Variants in EIF4G2 observed in about 807,000 individuals in gnomAD.
EIF4G2 encodes the protein eukaryotic translation initiation factor 4 gamma 2, also known as DAP-5.
Under a neutral mutation model 117.7 loss-of-function variants are expected in EIF4G2, and 8 were observed. The observed-to-expected ratio is 0.07, with a 90% CI of 0.04 to 0.12. The LOEUF (loss-of-function observed/expected upper bound fraction) is 0.12. Among genes scored for constraint, EIF4G2 ranks in the 10% least tolerant of loss-of-function variants. The probability of loss-of-function intolerance (pLI) is 1.00; values close to 1 mark genes in which losing one functional copy is unlikely to be tolerated. For missense variants in EIF4G2, 812 were observed against 1,086.2 expected (o/e 0.75, Z 3.55); for synonymous variants, 413 against 367.8 (o/e 1.12, Z -1.41).
chr11:10,799,078 T>C lies in EIF4G2; in HGVS notation c.2572A>G (p.Met858Val). Residue 858 changes from methionine to valine, a missense_variant, in exon 21 of 22, where the codon ATG (methionine) becomes GTG (valine). Transcript: ENST00000339995. ...AAAGCTTCTTCTTCAATAATTTCCA[T>C]GTCATAGAAGTGCACAAAAAAGCGA... 6.2e-7 allele frequency: 1 copy of C among 1,605,296 alleles called. No individual in the cohort carries two copies. Among genetic ancestry groups the C allele is most frequent in the Non-Finnish European group, 8.5e-7 (1 of 1,178,176 alleles).
In EIF4G2 at chr11:10,803,968, G is replaced by A. The variant is rs1408620469; in HGVS notation, c.633C>T (p.Ile211=). The change falls in exon 8 of 22, where the codon ATC becomes ATT. Residue 211 remains isoleucine (I), a synonymous_variant. Coordinates refer to ENST00000339995, the MANE Select transcript of EIF4G2 (RefSeq NM_001418.4). The surrounding 1 kb of genome is among the most constrained non-coding windows in gnomAD (Gnocchi z 4.0). ...GCTTGCCAAGCTCTCCAATGAATTT[G>A]ATGTTTCCCAACATCTTGATCTTAG... The A allele has an allele frequency of 1.9e-6, 3 of 1,614,128 alleles. No homozygotes were observed. The highest frequency in any genetic ancestry group is 2.5e-6 in the Non-Finnish European group (3 of 1,180,036).
At position 10,803,944 on chromosome 11, in the gene EIF4G2, C is replaced by T; in HGVS notation, c.657G>A (p.Lys219=). The change falls in exon 8 of 22, where the codon AAG becomes AAA. Residue 219 remains lysine (K), a synonymous_variant. Coordinates refer to ENST00000339995, the MANE Select transcript of EIF4G2 (RefSeq NM_001418.4). This position sits in a 1 kb window ranked among gnomAD's most constrained non-coding sequence, Gnocchi z 4.0. ...GGATAGATTCGTGAATAAGATCAAG[C>T]TTGCCAAGCTCTCCAATGAATTTGA... is the stretch of plus-strand genomic sequence containing the variant. 1 of 1,614,156 alleles carries T rather than the reference C, an allele frequency of 6.2e-7. No homozygotes were observed. Among genetic ancestry groups the T allele is most frequent in the African/African-American group, 1.3e-5 (1 of 75,048 alleles).
chr11:10,807,485 G>A (rs1304970561), intron 1 of EIF4G2, 104 bp from the exon 2 acceptor site: 1 of 1,389,956 alleles, frequency 7.2e-7, no homozygotes, highest in African/African-American at 1.5e-5. Context: ...TCACTGCATT[G>A]CAGATCTGTA....
In EIF4G2 at chr11:10,803,241, T is replaced by C. The variant is rs1847476878; in HGVS notation, c.867A>G (p.Glu289=). ...GCAGGAAACGAATCCTTGCTGGCAA[T>C]TCCTTACTTAACATCAAGGAGCACA... Residue 289 remains glutamate (E), a synonymous_variant, in exon 10 of 22, where the codon GAA becomes GAG. Coordinates refer to ENST00000339995, the MANE Select transcript of EIF4G2 (RefSeq NM_001418.4). This position sits in a 1 kb window ranked among gnomAD's most constrained non-coding sequence, Gnocchi z 4.0. 2.5e-6 allele frequency: 4 copies of C among 1,614,134 alleles called. No individual in the cohort carries two copies. Among genetic ancestry groups the C allele is most frequent in the Non-Finnish European group, 3.4e-6 (4 of 1,180,016 alleles).
intron 14 of EIF4G2, 80 bp from the exon 15 acceptor site, chr11:10,801,167 TAC>T (rs1340388672): frequency 2.6e-6 from 4 of 1,553,190 alleles, no homozygotes; most frequent in African/African-American, 2.8e-5. Flanking sequence ...TAAAATCCTA[TAC>T]AGTGACAGAA....
At position 10,807,251 on chromosome 11, in the gene EIF4G2, G is replaced by C. The variant is rs1847604346; in HGVS notation, c.41+4C>G. The C allele has an allele frequency of 6.2e-7, 1 of 1,607,842 alleles. No homozygotes were observed. Among genetic ancestry groups the C allele is most frequent in the Non-Finnish European group, 8.5e-7 (1 of 1,178,198 alleles). ...AGGATTCCCCAAAATAAATCTACAA[G>C]TACCTGAAACGAGAAGCACCCCCTT... On this transcript the variant is annotated splice_donor_region_variant and intron_variant, in intron 2 of 21. Transcript: ENST00000339995.
chr11:10,804,264 A>C (rs1847499563), intron 6 of EIF4G2, 23 bp downstream of exon 6: 1 of 1,613,002 alleles, frequency 6.2e-7, no homozygotes, highest in East Asian at 2.2e-5. Context: ...CTTTAAAACA[A>C]GCAAACAAAA....
intron 18 of EIF4G2, 38 bp from the exon 19 acceptor site, chr11:10,799,794 A>G: frequency 6.3e-7 from 1 of 1,594,228 alleles, no homozygotes; most frequent in Non-Finnish European, 8.5e-7. Flanking sequence ...CTAATAGTTC[A>G]TTTTACCAAG....
At chr11:10,799,833 A>T in intron 18 of EIF4G2, 77 bp from the exon 19 acceptor site, 1 of 1,487,406 alleles carries the variant, frequency 6.7e-7, no homozygotes, top group African/African-American at 1.4e-5. Flanking sequence ...AGAGCTTCAC[A>T]AATGATGTCC....
chr11:10,799,321 G>A lies in EIF4G2; in HGVS notation c.2428C>T (p.Leu810=), dbSNP rs760780735. Residue 810 remains leucine, a synonymous_variant, in exon 20 of 22, where the codon CTA becomes TTA. Transcript: ENST00000339995. ...TTCTGCATTACTGGCTTGAAAGATA[G>A]TAGTAGTTGTTTTTCCTGCTCTAAC... 6.2e-6 allele frequency: 10 copies of A among 1,613,942 alleles called. No homozygotes were observed. The highest frequency in any genetic ancestry group is 7.6e-6 in the Non-Finnish European group (9 of 1,180,030).
Position 10,805,969 on chromosome 11 carries a change from G to A in EIF4G2, c.186C>T (p.Ser62=), listed in dbSNP as rs376340882. 8.1e-6 allele frequency: 13 copies of A among 1,613,984 alleles called. No individual in the cohort carries two copies. The highest frequency in any genetic ancestry group is 6.7e-5 in the East Asian group (3 of 44,888). The change falls in exon 4 of 22, where the codon TCC becomes TCT. Residue 62 remains serine (S), a synonymous_variant. Coordinates refer to ENST00000339995, the MANE Select transcript of EIF4G2 (RefSeq NM_001418.4). ...TTTCGTTTGCGGAGTTGTTTGCTGC[G>A]GAGTTGTCATCTCGTCTAGTGCTTC...
At chr11:10,801,269 G>C in intron 14 of EIF4G2, 182 bp from the exon 15 acceptor site, 2 of 688,092 alleles carry the variant, frequency 2.9e-6, no homozygotes, top group Non-Finnish European at 2.4e-6. Flanking sequence ...AAGATCTGAT[G>C]CATACAGTAG....
At position 10,808,385 on chromosome 11, in the gene EIF4G2, C is replaced by T. The variant is rs528311329; in HGVS notation, c.-87+320G>A. 1,646 of 1,241,944 alleles carry T rather than the reference C, an allele frequency of 1.3e-3. 20 individuals carry two copies. In the African/African-American group the frequency reaches 0.025, roughly 19 times the overall value. The allele number at this position is 1,241,944 out of a possible 1,614,324, so 76.9% of individuals were successfully genotyped here. The stretch of plus-strand genomic sequence containing the variant: ...TGCCTCCCGCCACGGCGCTAGCGGT[C>T]CGAGCCACGCTCCCTCGCCGTCCGA... On this transcript the variant is annotated intron_variant, in intron 1 of 21. Coordinates refer to ENST00000339995, the MANE Select transcript of EIF4G2 (RefSeq NM_001418.4).
In EIF4G2 at chr11:10,806,016, C is replaced by T. The variant is rs1440253077; in HGVS notation, c.139G>A (p.Ala47Thr). ...CTTCGTGCAGGAATCCATTTCTGAG[C>T]GTTTTGCCCTGGGGTTTTCCCCAGG... Residue 47 changes from alanine to threonine, a missense_variant, in exon 4 of 22, where the codon GCT becomes ACT. This residue lies in a region of EIF4G2 where 79 missense variants were observed against 91.5 expected (regional missense o/e 0.86). Transcript: ENST00000339995. The T allele has an allele frequency of 6.2e-7, 1 of 1,614,226 alleles. No homozygotes were observed. The highest frequency in any genetic ancestry group is 8.5e-7 in the Non-Finnish European group (1 of 1,180,038).
rs754266342 is a variant in EIF4G2, at chr11:10,801,101, CA to C, written c.1414-15del. 32 of 1,613,352 alleles carry C rather than the reference CA, an allele frequency of 2.0e-5. No homozygotes were observed. The highest frequency in any genetic ancestry group is 2.7e-5 in the Non-Finnish European group (32 of 1,179,796). On this transcript the variant is annotated splice_polypyrimidine_tract_variant and intron_variant, in intron 14 of 21. Transcript: ENST00000339995. ...CCTCAGGCTAATCTGGAATTGAAAA[CA>C]AAATATATCTAAATTAACAACATGC...
chr11:10,807,110 G>A (rs1230046069), intron 2 of EIF4G2, 145 bp downstream of exon 2: 6 of 1,262,500 alleles, frequency 4.8e-6, no homozygotes, highest in Non-Finnish European at 5.5e-6. Context: ...TTCTTCAGAT[G>A]GCAGTTCTTA....
At chr11:10,804,857 G>T in intron 5 of EIF4G2, 56 bp downstream of exon 5, 16 of 1,439,884 alleles carry the variant, frequency 1.1e-5, no homozygotes, top group Admixed American at 8.6e-5. Flanking sequence ...AACACAACTT[G>T]AGTTTGTTAA....
At chr11:10,804,586 G>T in intron 5 of EIF4G2, 168 bp from the exon 6 acceptor site, 1 of 838,716 alleles carries the variant, frequency 1.2e-6, no homozygotes, top group Non-Finnish European at 1.8e-6. Flanking sequence ...AAAATGCCAT[G>T]GATATCAAAA....
chr11:10,808,054 C>A, intron 1 of EIF4G2: 1 of 1,044,794 alleles, frequency 9.6e-7, no homozygotes, highest in Non-Finnish European at 1.2e-6. Context: ...GCAGCTGAGG[C>A]CACCCCCGCC....
Sources: gnomAD v4.1 joint callset for allele counts on GRCh38, gnomAD v4.1.1 for gene constraint, gnomAD v4.1.1 regional missense constraint, Gnocchi (gnomAD v3.1) non-coding constraint, MANE v1.5 for transcripts, NCBI Gene and HGNC (gene_info 2026-07-23, HGNC 2026-07-21) for gene names.